The following LHB variants were observed in gnomAD, a reference collection of about 807,000 sequenced individuals.
LHB encodes the protein luteinizing hormone subunit beta, also known as lutropin subunit beta.
In LHB, 11 loss-of-function variants were observed where a neutral mutation model predicts 10.6. That is an observed-to-expected ratio of 1.04 (90% CI 0.66 to 1.72). The LOEUF is 1.72. Among genes scored for constraint, LHB ranks in the 40% most tolerant of loss-of-function variants. LHB has a pLI of 0.00. For synonymous variants in LHB, 86 were observed against 83.1 expected, an observed-to-expected ratio of 1.03 and a Z score of -0.19; for missense variants, 184 against 197.3, an observed-to-expected ratio of 0.93 and a Z score of 0.41.
rs200507790 is a variant in LHB, at chr19:49,015,985, A to G, written c.*83T>C. 8.7e-6 allele frequency: 14 copies of G among 1,614,066 alleles called. No individual in the cohort carries two copies. Among genetic ancestry groups the G allele is most frequent in the African/African-American group, 1.3e-5 (1 of 74,920 alleles). On this transcript the variant is annotated 3_prime_UTR_variant, in exon 3 of 3. Coordinates refer to ENST00000649238, the MANE Select transcript of LHB (RefSeq NM_000894.3). ...ACAGAAAGACACCTCCAGAGTGCGG[A>G]TTGAGAAGCCTTTATTGTGGGAGGA...
upstream of LHB, chr19:49,017,723 G>A: frequency 4.3e-6 from 2 of 470,112 alleles, no homozygotes; most frequent in Non-Finnish European, 6.8e-6. Context: ...TATTTAATAC[G>A]CCCGCAGGGT....
upstream of LHB, chr19:49,019,370 C>T (rs2039600964): frequency 1.6e-6 from 2 of 1,241,750 alleles, no homozygotes; most frequent in Non-Finnish European, 2.0e-6. Context: ...GTTACCTCTC[C>T]CAACTCCCAC....
At chr19:49,018,253 C>G, upstream of LHB, 1 of 942,058 alleles carries the variant, frequency 1.1e-6, no homozygotes, top group Non-Finnish European at 1.4e-6. Context: ...AGGGCGGCCG[C>G]TGCGGGCCGT....
In LHB at chr19:49,016,547, C is replaced by G. The variant is rs759224828; in HGVS notation, c.183G>C (p.Met61Ile). The change falls in exon 2 of 3, where the codon ATG (methionine) becomes ATC (isoleucine). Residue 61 changes from methionine (M) to isoleucine (I), a missense_variant and splice_region_variant. Met to Ile is a conservative substitution (Grantham distance 10, BLOSUM62 1). Transcript: ENST00000649238. ...TTICAGYCPT[M>I]MRVLQAVLPP... ...CTGCCCCTGGCCCCAGGCAGCTCAC[C>G]ATGGTGGGGCAGTAGCCGGCACAGA... The G allele has an allele frequency of 6.2e-7, 1 of 1,607,044 alleles. No individual in the cohort carries two copies. The highest frequency in any genetic ancestry group is 1.1e-5 in the South Asian group (1 of 90,944).
Position 49,016,086 on chromosome 19 carries a change from TGA to T in LHB, c.406_407del (p.Ser136ArgfsTer30). 6.2e-7 allele frequency: 1 copy of T among 1,613,132 alleles called. No individual in the cohort carries two copies. Among genetic ancestry groups the T allele is most frequent in the South Asian group, 1.1e-5 (1 of 91,046 alleles). ...AGGGTCTTTAGAGGAAGAGGAGGCC[TGA>T]GAGTTGGGGGTGGTCACAGGTCAAG... ...HPLTCDHPQL[S>X]GLLFL On this transcript the variant is annotated frameshift_variant, in exon 3 of 3. Coordinates refer to ENST00000649238, the MANE Select transcript of LHB (RefSeq NM_000894.3). LOFTEE classifies it high-confidence loss of function.
chr19:49,017,207 G>A (rs1600206391), upstream of LHB: 3 of 1,502,342 alleles, frequency 2.0e-6, no homozygotes, highest in South Asian at 1.1e-5. Context: ...GGCGAGAGGT[G>A]CACATGGCCA....
At chr19:49,018,153 G>T (rs1429171661), upstream of LHB, 32 of 403,062 alleles carry the variant, frequency 7.9e-5, no homozygotes, top group Middle Eastern at 1.2e-3. Flanking sequence ...GCCAGAGACA[G>T]GGCTCCCCGG....
At chr19:49,018,960 C>T (rs886719399), upstream of LHB, 2 of 1,533,838 alleles carry the variant, frequency 1.3e-6, no homozygotes, top group African/African-American at 1.4e-5. Context: ...TGTGAAAGGC[C>T]GGCCAGACAG....
rs746727145 is a variant in LHB at position 49,016,672 on chromosome 19, C to A, written c.58G>T (p.Ala20Ser). 7 of 1,611,996 alleles carry A rather than the reference C, an allele frequency of 4.3e-6. No homozygotes were observed. In the Middle Eastern group the frequency reaches 6.2e-4, roughly 143 times the overall value. Residue 20 changes from alanine (A) to serine (S), a missense_variant, in exon 2 of 3, where the codon GCA becomes TCA. Ala to Ser is a moderately conservative substitution (Grantham distance 99). Transcript: ENST00000649238. Reference protein sequence around the residue: ...LLLLSMGGAWASREPLRPWCH... With the variant: ...LLLLSMGGAWSSREPLRPWCH... ...CATGGCCGAAGCGGCTCCCTGGATGCCCATGCCCCGCCCATGCTCAGCAGC... is the reference window on the plus strand; with the variant it reads ...CATGGCCGAAGCGGCTCCCTGGATGACCATGCCCCGCCCATGCTCAGCAGC...
upstream of LHB, chr19:49,019,201 T>C (rs1235330884): frequency 1.4e-5 from 19 of 1,395,084 alleles, no homozygotes; most frequent in Admixed American, 6.3e-5. Flanking sequence ...ACCCGAACCC[T>C]TCCCAGCCTC....
upstream of LHB, chr19:49,017,939 G>T: frequency 5.0e-6 from 2 of 398,616 alleles, no homozygotes; most frequent in Non-Finnish European, 8.8e-6. Flanking sequence ...CCCTGGGGGC[G>T]GGTCTGGGGT....
upstream of LHB, chr19:49,019,203 C>T: frequency 1.4e-6 from 2 of 1,397,094 alleles, no homozygotes; most frequent in Non-Finnish European, 1.9e-6. Flanking sequence ...CCGAACCCTT[C>T]CCAGCCTCAC....
upstream of LHB, chr19:49,017,105 G>C (rs542213054): frequency 1.9e-6 from 3 of 1,613,866 alleles, no homozygotes; most frequent in Non-Finnish European, 2.5e-6. Flanking sequence ...CCTGCCTCGT[G>C]TATCTGGCTA....
Position 49,016,271 on chromosome 19 carries a change from C to G in LHB, c.223G>C (p.Val75Leu). The G allele has an allele frequency of 6.2e-7, 1 of 1,612,168 alleles. No homozygotes were observed. The highest frequency in any genetic ancestry group is 8.5e-7 in the Non-Finnish European group (1 of 1,179,830). Residue 75 changes from valine to leucine, a missense_variant, in exon 3 of 3, where the codon GTG (valine) becomes CTG (leucine). Physicochemically the swap from Val to Leu is conservative, Grantham distance 32 (BLOSUM62 1). Transcript: ENST00000649238. ...LQAVLPPLPQ[V>L]VCTYRDVRFE... ...CGCACATCACGGTAGGTGCACACCA[C>G]CTGAGGCAGGGGCGGCAGGACCGCC... is the stretch of plus-strand genomic sequence containing the variant.
intron 1 of LHB, 125 bp from the exon 2 acceptor site, chr19:49,016,839 C>G (rs532249533): frequency 6.4e-7 from 1 of 1,574,800 alleles, no homozygotes; most frequent in Admixed American, 1.8e-5. Flanking sequence ...TATTCAGGAC[C>G]CACCACCCGG....
chr19:49,016,521 T>G (rs768835923), intron 2 of LHB, 26 bp downstream of exon 2: 1 of 1,542,598 alleles, frequency 6.5e-7, no homozygotes. Flanking sequence ...GGTGGCAGCA[T>G]CTGCCCCTGG....
upstream of LHB, chr19:49,017,193 C>CG: frequency 1.6e-5 from 25 of 1,553,504 alleles, no homozygotes; most frequent in Non-Finnish European, 2.1e-5. Context: ...CTAATCCCCC[C>CG]GGGGGCGAGA....
At chr19:49,017,496 T>G, upstream of LHB, 1 of 1,132,130 alleles carries the variant, frequency 8.8e-7, no homozygotes, top group Non-Finnish European at 1.1e-6. Context: ...CAGTCCAACC[T>G]AACAGGAGGG....
rs757082274 is a variant in LHB at position 49,016,506 on chromosome 19, C to T, written c.183+41G>A. 90 of 1,588,732 alleles carry T rather than the reference C, an allele frequency of 5.7e-5. No individual in the cohort carries two copies. The East Asian group carries it at 1.9e-3, about 34-fold the overall frequency. On this transcript the variant is annotated intron_variant, in intron 2 of 2. Coordinates refer to ENST00000649238, the MANE Select transcript of LHB (RefSeq NM_000894.3). Reference sequence around the variant, plus strand: ...CCCCCGCTGCCTCTGTGGGTCTGGCCCTGAGGTGGCAGCATCTGCCCCTGG... The same window carrying T: ...CCCCCGCTGCCTCTGTGGGTCTGGCTCTGAGGTGGCAGCATCTGCCCCTGG...
Sources: allele counts gnomAD v4.1 joint callset, GRCh38; gene constraint gnomAD v4.1.1; transcripts MANE v1.5; gene names NCBI Gene and HGNC (gene_info 2026-07-23, HGNC 2026-07-21).